The following SHANK2 variants were observed in gnomAD, a reference collection of about 807,000 sequenced individuals.
SHANK2 encodes SH3 and multiple ankyrin repeat domains 2, also known as SH3 and multiple ankyrin repeat domains protein 2.
SHANK2 carries 43 observed loss-of-function variants against 133.7 expected under a neutral mutation model. That is an observed-to-expected ratio of 0.32 (90% CI 0.25 to 0.41). SHANK2 has a LOEUF of 0.41. SHANK2 is among the 10% of genes least tolerant of loss of function. The pLI, the probability that SHANK2 is intolerant of heterozygous loss-of-function variation, is 1.00. For missense variants in SHANK2, 1,994 were observed against 2,235.8 expected, an observed-to-expected ratio of 0.89 and a Z score of 2.18; for synonymous variants, 1,017 against 952.8, an observed-to-expected ratio of 1.07 and a Z score of -1.24.
At chr11:70,784,867 C>T (rs373181242) in intron 14 of SHANK2, among the ~76,000 whole-genome samples, 1 of 152,196 alleles carries the variant, frequency 6.6e-6, no homozygotes, top group South Asian at 2.1e-4. Context: ...AGAGCCCTCC[C>T]GCTATTGGGG....
chr11:71,108,588 TCCAGCGGAAGC>T (rs1480618158), intron 6 of SHANK2, among the ~76,000 whole-genome samples: 1 of 152,030 alleles, frequency 6.6e-6, no homozygotes, highest in African/African-American at 2.4e-5. Context: ...TGCCCAGACC[TCCAGCGGAAGC>T]CCAGCCTTGT....
intron 2 of SHANK2, among the ~76,000 whole-genome samples, chr11:71,185,556 C>G (rs2135560102): frequency 6.6e-6 from 1 of 152,318 alleles, no homozygotes; most frequent in Middle Eastern, 3.4e-3. Flanking sequence ...CCAGGCTGGT[C>G]TGGTTGGTGC....
chr11:71,066,989 C>T (rs1184816157), intron 9 of SHANK2, among the ~76,000 whole-genome samples: 1 of 152,224 alleles, frequency 6.6e-6, no homozygotes, highest in African/African-American at 2.4e-5. Flanking sequence ...GGGTTGGAAA[C>T]CTGGCTTCCT....
At chr11:70,617,438 C>T (rs1452393119) in intron 17 of SHANK2, among the ~76,000 whole-genome samples, 2 of 152,160 alleles carry the variant, frequency 1.3e-5, no homozygotes, top group Non-Finnish European at 2.9e-5. Context: ...CCAGCCCTGC[C>T]ATAAAAGAAA....
chr11:71,223,939 G>T (rs1555121754), intron 2 of SHANK2, among the ~76,000 whole-genome samples: 1 of 152,142 alleles, frequency 6.6e-6, no homozygotes, highest in African/African-American at 2.4e-5. Flanking sequence ...CAGGGCTCTG[G>T]ACCACACAGA....
chr11:70,950,527 C>G (rs1369006542), intron 10 of SHANK2, among the ~76,000 whole-genome samples: 1 of 152,238 alleles, frequency 6.6e-6, no homozygotes, highest in Non-Finnish European at 1.5e-5. Context: ...CGAATCCCAT[C>G]ACGGGGGCTC....
chr11:70,644,686 G>T (rs1486846292), intron 17 of SHANK2, among the ~76,000 whole-genome samples: 1 of 152,208 alleles, frequency 6.6e-6, no homozygotes, highest in Non-Finnish European at 1.5e-5. Context: ...CAAAGTCAGG[G>T]GTGAGGACAG....
intron 11 of SHANK2, among the ~76,000 whole-genome samples, chr11:70,846,029 G>C (rs1948991940): frequency 6.6e-6 from 1 of 152,156 alleles, no homozygotes; most frequent in East Asian, 1.9e-4. Context: ...AGAGGCTGGT[G>C]CCGAGCCCAG....
intron 14 of SHANK2, among the ~76,000 whole-genome samples, chr11:70,703,584 A>C (rs1555024283): frequency 1.3e-5 from 2 of 152,050 alleles, no homozygotes; most frequent in Admixed American, 1.3e-4. Flanking sequence ...GCCCCTTCCC[A>C]AGGCTCCCTG....
intron 17 of SHANK2, chr11:70,634,333 T>C (rs1423478903): frequency 1.3e-5 from 2 of 151,876 alleles, no homozygotes; most frequent in African/African-American, 4.8e-5. Context: ...CGTCTGTATA[T>C]GGATGGCAAG....
chr11:70,913,320 C>T (rs999714513), intron 10 of SHANK2, among the ~76,000 whole-genome samples: 2 of 152,030 alleles, frequency 1.3e-5, no homozygotes, highest in Non-Finnish European at 2.9e-5. Context: ...ATATGGAATA[C>T]CCAGGGGGCT....
rs1399535931 is a variant in SHANK2, at chr11:70,487,238, C to T, written c.3055G>A (p.Val1019Met). ...CACGTCTTCTCGGGGCTGTCCTCCA[C>T]GTTGGACTGCTTCACCAGCATCCCC... Reference protein sequence around the residue: ...RKGMLVKQSNVEDSPEKTCSI... With the variant: ...RKGMLVKQSNMEDSPEKTCSI... Residue 1019 changes from valine to methionine, a missense_variant, in exon 25 of 26, where the codon GTG becomes ATG. This residue lies in a region of SHANK2 where 488 missense variants were observed against 642.6 expected (regional missense o/e 0.76). Coordinates refer to ENST00000601538, the MANE Select transcript of SHANK2 (RefSeq NM_012309.5). The surrounding 1 kb of genome is among the most constrained non-coding windows in gnomAD (Gnocchi z 5.8). 3 of 1,614,088 alleles carry T rather than the reference C, an allele frequency of 1.9e-6. No homozygotes were observed. The highest frequency in any genetic ancestry group is 2.7e-5 in the African/African-American group (2 of 74,928).
chr11:70,502,100 G>C, intron 19 of SHANK2, 106 bp downstream of exon 19: 4 of 1,353,518 alleles, frequency 3.0e-6, no homozygotes, highest in Non-Finnish European at 4.1e-6. Flanking sequence ...GGGCAGGAGG[G>C]GGGTAGCGAG....
intron 23 of SHANK2, 122 bp from the exon 24 acceptor site, chr11:70,489,470 C>T: frequency 2.2e-6 from 2 of 911,986 alleles, no homozygotes; most frequent in South Asian, 1.3e-5. Context: ...CGGCCACTTA[C>T]TGCCTAGTGA....
intron 11 of SHANK2, among the ~76,000 whole-genome samples, chr11:70,873,306 A>T (rs1482202223): frequency 3.3e-5 from 5 of 152,236 alleles, no homozygotes; most frequent in South Asian, 2.1e-4. Flanking sequence ...GGCAGGTGAG[A>T]GCTGACAAGG....
At chr11:70,732,068 T>G (rs1383422141) in intron 14 of SHANK2, among the ~76,000 whole-genome samples, 2 of 152,180 alleles carry the variant, frequency 1.3e-5, no homozygotes, top group Non-Finnish European at 2.9e-5. Context: ...TGCTCAAGTC[T>G]TGGCTTCAGA....
At chr11:71,201,961 CCT>C (rs1291565997) in intron 2 of SHANK2, among the ~76,000 whole-genome samples, 2 of 152,220 alleles carry the variant, frequency 1.3e-5, no homozygotes, top group African/African-American at 2.4e-5. Flanking sequence ...ATTAGGGTCC[CCT>C]GTTCTACAGG....
At chr11:71,135,063 A>C (rs369171889) in intron 3 of SHANK2, among the ~76,000 whole-genome samples, 1 of 151,998 alleles carries the variant, frequency 6.6e-6, no homozygotes. Flanking sequence ...CGCAGCCCTC[A>C]GCCTTCTCTG....
chr11:70,501,364 TGTGA>T (rs2059048265), intron 20 of SHANK2, among the ~76,000 whole-genome samples: 2 of 152,196 alleles, frequency 1.3e-5, no homozygotes, highest in African/African-American at 2.4e-5. Context: ...GGACGGGGCC[TGTGA>T]GTGAGAGCAC....
Sources: allele counts gnomAD v4.1 joint callset (sites outside exome capture counted in the v4.1 genomes callset), GRCh38; gene constraint gnomAD v4.1.1; regional missense constraint gnomAD v4.1.1; non-coding constraint Gnocchi (gnomAD v3.1); transcripts MANE v1.5; gene names NCBI Gene and HGNC (gene_info 2026-07-23, HGNC 2026-07-21).